The following SLC22A2 variants were observed in gnomAD, a reference collection of about 807,000 sequenced individuals.
The protein encoded by SLC22A2 is organic cation transporter 2.
In SLC22A2, 46 loss-of-function variants were observed where a neutral mutation model predicts 60.5. The observed-to-expected ratio is 0.76, with a 90% CI of 0.60 to 0.97. The LOEUF (loss-of-function observed/expected upper bound fraction) is 0.97. SLC22A2 is among the 50% of genes least tolerant of loss of function. SLC22A2 has a pLI of 0.00. For missense variants in SLC22A2, 701 were observed against 706.6 expected, an observed-to-expected ratio of 0.99 and a Z score of 0.09; for synonymous variants, 303 against 267.0, an observed-to-expected ratio of 1.13 and a Z score of -1.31.
At chr6:160,227,356 C>T (rs2114852506) in intron 9 of SLC22A2, among the ~76,000 whole-genome samples, 1 of 152,346 alleles carries the variant, frequency 6.6e-6, no homozygotes, top group South Asian at 2.1e-4. Context: ...AATAACTTAA[C>T]TCTTTCAAGC....
chr6:160,258,470 C>A lies in SLC22A2; in HGVS notation c.288G>T (p.Trp96Cys). The A allele has an allele frequency of 1.2e-6, 2 of 1,614,164 alleles. No individual in the cohort carries two copies. The highest frequency in any genetic ancestry group is 1.7e-6 in the Non-Finnish European group (2 of 1,180,030). ...PRQCRRYEVD[W>C]NQSTFDCVDP... ...CCACGCAGTCGAAGGTGCTCTGGTTCCAGTCCACCTCGTAGCGCCTACACT... is the reference window on the plus strand; with the variant it reads ...CCACGCAGTCGAAGGTGCTCTGGTTACAGTCCACCTCGTAGCGCCTACACT... Residue 96 changes from tryptophan to cysteine, a missense_variant, in exon 1 of 11, where the codon TGG (tryptophan) becomes TGT (cysteine). By Grantham distance (215) the Trp-to-Cys change is radical (BLOSUM62 -2). Transcript: ENST00000366953.
Position 160,235,844 on chromosome 6 carries a change from T to C in SLC22A2, c.1501+5630A>G, listed in dbSNP as rs1290595946. ...ATGTAAAAGTGAAATTTGACTTATG[T>C]AGTATAAAAGTCATACAGGAAGCAT... is the stretch of plus-strand genomic sequence containing the variant. On this transcript the variant is annotated intron_variant, in intron 9 of 10. Coordinates refer to ENST00000366953, the MANE Select transcript of SLC22A2 (RefSeq NM_003058.4). Among the ~76,000 whole-genome samples the C allele has an allele frequency of 2.0e-5, 3 of 152,138 alleles. No individual in the cohort carries two copies. The East Asian group carries it at 5.8e-4, about 29-fold the overall frequency.
At chr6:160,242,713 C>A (rs190250445) in intron 7 of SLC22A2, among the ~76,000 whole-genome samples, 1 of 151,948 alleles carries the variant, frequency 6.6e-6, no homozygotes, top group African/African-American at 2.4e-5. Context: ...TGCATTCCAC[C>A]CCCCACTGCC....
chr6:160,232,238 A>T (rs568840693), intron 9 of SLC22A2, among the ~76,000 whole-genome samples: 1 of 151,692 alleles, frequency 6.6e-6, no homozygotes, highest in African/African-American at 2.4e-5. Flanking sequence ...TCCACCTGAC[A>T]TTCACCCCAT....
At chr6:160,223,931 C>T (rs1782683508) in intron 10 of SLC22A2, among the ~76,000 whole-genome samples, 1 of 152,068 alleles carries the variant, frequency 6.6e-6, no homozygotes, top group Admixed American at 6.6e-5. Context: ...GGGGTTTCAC[C>T]ATGTTACCCA....
rs77248761 is a variant in SLC22A2 at position 160,236,155 on chromosome 6, G to A, written c.1501+5319C>T. On this transcript the variant is annotated intron_variant, in intron 9 of 10. Transcript: ENST00000366953. ...AAAGGTGGTTTTATAATCAACTATA[G>A]GACTTTAACAGGTATTCTTGAATGC... Among the ~76,000 whole-genome samples the A allele has an allele frequency of 6.8e-3, 1,041 of 152,224 alleles. 20 individuals are homozygous for A. The highest frequency in any genetic ancestry group is 0.024 in the African/African-American group (989 of 41,532).
chr6:160,244,574 G>C lies in SLC22A2; in HGVS notation c.1065-788C>G, dbSNP rs1725861848. The C allele has an allele frequency of 3.3e-5, 5 of 152,052 alleles. No individual in the cohort carries two copies. The South Asian group carries it at 1.0e-3, about 32-fold the overall frequency. The allele number at this position is 152,052 out of a possible 1,614,324, so 9.4% of individuals were successfully genotyped here. ...CCTGGCCTGTTACGAACAACATTTG[G>C]ACAATGTTTCTAGTTTATTAACTAA... On this transcript the variant is annotated intron_variant, in intron 6 of 10. Coordinates refer to ENST00000366953, the MANE Select transcript of SLC22A2 (RefSeq NM_003058.4).
chr6:160,229,733 C>A (rs1353615727), intron 9 of SLC22A2, among the ~76,000 whole-genome samples: 1 of 151,772 alleles, frequency 6.6e-6, no homozygotes, highest in African/African-American at 2.4e-5. Flanking sequence ...ACCTTCCATT[C>A]CTCCTTCTTC....
At chr6:160,227,164 C>G (rs1302244604) in intron 9 of SLC22A2, among the ~76,000 whole-genome samples, 1 of 152,184 alleles carries the variant, frequency 6.6e-6, no homozygotes, top group Non-Finnish European at 1.5e-5. Context: ...CAGACCCTCC[C>G]AATCCTGAAG....
chr6:160,235,272 T>A (rs536684606), intron 9 of SLC22A2, among the ~76,000 whole-genome samples: 1 of 151,846 alleles, frequency 6.6e-6, no homozygotes, highest in Non-Finnish European at 1.5e-5. Context: ...GATGTGTGAC[T>A]AGGTAGGAAA....
At chr6:160,250,736 T>C (rs1217179283) in intron 2 of SLC22A2, 34 bp from the exon 3 acceptor site, 13 of 1,599,992 alleles carry the variant, frequency 8.1e-6, no homozygotes, top group Non-Finnish European at 1.0e-5. Flanking sequence ...GGGAATTGAA[T>C]TAATTTTGAT....
chr6:160,242,356 C>A lies in SLC22A2; in HGVS notation c.1326G>T (p.Gly442=), dbSNP rs759095937. 79 of 1,609,518 alleles carry A rather than the reference C, an allele frequency of 4.9e-5. No homozygotes were observed. Among genetic ancestry groups the A allele is most frequent in the Non-Finnish European group, 6.6e-5 (78 of 1,175,950 alleles). The change falls in exon 8 of 11, where the codon GGG becomes GGT. Residue 442 remains glycine (G), a synonymous_variant. Coordinates refer to ENST00000366953, the MANE Select transcript of SLC22A2 (RefSeq NM_003058.4). ...AGACTATCTCATAGGCCATTGTGATCCCCATTCTTCCCAAGCATGAGATAA... is the reference window on the plus strand; with the variant it reads ...AGACTATCTCATAGGCCATTGTGATACCCATTCTTCCCAAGCATGAGATAA... ...KIIISCLGRM[G]ITMAYEIVCL...
intron 3 of SLC22A2, among the ~76,000 whole-genome samples, chr6:160,250,326 G>C (rs1427238736): frequency 6.6e-6 from 1 of 152,110 alleles, no homozygotes; most frequent in African/African-American, 2.4e-5. Context: ...AATCTGGGTG[G>C]CATTATGTTT....
intron 9 of SLC22A2, 27 bp from the exon 10 acceptor site, chr6:160,224,831 A>T: frequency 7.4e-7 from 1 of 1,342,916 alleles, no homozygotes; most frequent in Non-Finnish European, 1.0e-6. Flanking sequence ...TGAATATCAC[A>T]TTAAGAACTG....
chr6:160,224,194 TTGAACTTCTCTTACTA>T (rs1374051322), intron 10 of SLC22A2, among the ~76,000 whole-genome samples: 20 of 152,210 alleles, frequency 1.3e-4, no homozygotes, highest in Non-Finnish European at 2.4e-4. Context: ...CAGTGTTAAT[TTGAACTTCTCTTACTA>T]TGAAGGAAGT....
chr6:160,256,301 G>T (rs1783270879), intron 2 of SLC22A2, among the ~76,000 whole-genome samples: 1 of 152,074 alleles, frequency 6.6e-6, no homozygotes, highest in Non-Finnish European at 1.5e-5. Flanking sequence ...AATGAATTGG[G>T]AATTACAAAA....
At chr6:160,226,565 G>A (rs927174624) in intron 9 of SLC22A2, among the ~76,000 whole-genome samples, 8 of 152,052 alleles carry the variant, frequency 5.3e-5, no homozygotes, top group Non-Finnish European at 7.4e-5. Flanking sequence ...CCTCACTTCC[G>A]ATTTGTGTAC....
At position 160,258,545 on chromosome 6, in the gene SLC22A2, C is replaced by G; in HGVS notation, c.213G>C (p.Leu71=). Residue 71 remains leucine (L), a synonymous_variant, in exon 1 of 11, where the codon CTG becomes CTC. Transcript: ENST00000366953. The part of the protein sequence containing the change: ...LRCGWSPAEE[L]NYTVPGPGPA... ...GTCCTGGGCCCGGCACCGTGTAGTT[C>G]AGTTCCTCTGCAGGACTCCAGCCGC... 1 of 1,613,962 alleles carries G rather than the reference C, an allele frequency of 6.2e-7. No individual in the cohort carries two copies. Among genetic ancestry groups the G allele is most frequent in the South Asian group, 1.1e-5 (1 of 91,060 alleles).
intron 10 of SLC22A2, chr6:160,218,325 CA>C (rs1393891404): frequency 4.9e-6 from 1 of 205,150 alleles, no homozygotes; most frequent in African/African-American, 3.2e-5. Flanking sequence ...GAAACAACAA[CA>C]GTAGAAATAG....
Sources: gnomAD v4.1 joint callset for allele counts (sites outside exome capture counted in the v4.1 genomes callset) on GRCh38, gnomAD v4.1.1 for gene constraint, MANE v1.5 for transcripts, NCBI Gene and HGNC (gene_info 2026-07-23, HGNC 2026-07-21) for gene names.